Variants in RBM47 observed in about 807,000 individuals in gnomAD.
RBM47 encodes RNA-binding protein 47.
In RBM47, 21 loss-of-function variants were observed where a neutral mutation model predicts 47.1. The observed-to-expected ratio is 0.45, with a 90% CI of 0.32 to 0.64. The LOEUF (loss-of-function observed/expected upper bound fraction) is 0.64, where lower values mean the gene tolerates loss of function less well. Among genes scored for constraint, RBM47 ranks in the 30% least tolerant of loss-of-function variants. The pLI is 0.05. For missense variants in RBM47, 708 were observed against 870.9 expected, an observed-to-expected ratio of 0.81 and a Z score of 2.35; for synonymous variants, 375 against 361.7, an observed-to-expected ratio of 1.04 and a Z score of -0.42.
At chr4:40,519,883 T>C (rs980284056) in intron 2 of RBM47, among the ~76,000 whole-genome samples, 1 of 151,936 alleles carries the variant, frequency 6.6e-6, no homozygotes, top group Non-Finnish European at 1.5e-5. Context: ...TTGGCCAGGA[T>C]GGTCTCGATC....
intron 2 of RBM47, among the ~76,000 whole-genome samples, chr4:40,489,631 A>G (rs1414871490): frequency 2.0e-5 from 3 of 152,264 alleles, no homozygotes; most frequent in Non-Finnish European, 4.4e-5. Flanking sequence ...AAGAAGAAAT[A>G]GAATATCTGA....
At chr4:40,552,439 T>G (rs986307829) in intron 1 of RBM47, among the ~76,000 whole-genome samples, 1 of 151,918 alleles carries the variant, frequency 6.6e-6, no homozygotes, top group East Asian at 1.9e-4. Context: ...ATAAAGGATA[T>G]AAATAAAAAT....
intron 1 of RBM47, among the ~76,000 whole-genome samples, chr4:40,626,267 C>T (rs1737726767): frequency 6.6e-6 from 1 of 152,178 alleles, no homozygotes; most frequent in African/African-American, 2.4e-5. Flanking sequence ...TTAAACCACA[C>T]AGAAAGTAGA....
chr4:40,430,248 AC>A (rs1346820120), intron 6 of RBM47, among the ~76,000 whole-genome samples: 3 of 94,260 alleles, frequency 3.2e-5, no homozygotes, highest in African/African-American at 9.3e-5. Flanking sequence ...ACAAAAACAA[AC>A]AAAAAAAAAA....
At chr4:40,528,405 TA>T (rs769489642) in intron 2 of RBM47, among the ~76,000 whole-genome samples, 1 of 147,692 alleles carries the variant, frequency 6.8e-6, no homozygotes. Context: ...GAGGCTTTTT[TA>T]AAAAAAAAAC....
chr4:40,614,830 G>C (rs1336137737), intron 1 of RBM47, among the ~76,000 whole-genome samples: 1 of 151,782 alleles, frequency 6.6e-6, no homozygotes. Flanking sequence ...AAAGGACACT[G>C]TCACACACAC....
chr4:40,488,576 A>G lies in RBM47; in HGVS notation c.-154-21877T>C, dbSNP rs555405896. ...GTCTGAGAAAAGAGCTCATTTGGAA[A>G]TAACATCCTGAGCTTTGCAACCGCA... On this transcript the variant is annotated intron_variant, in intron 2 of 6. Coordinates refer to ENST00000295971, the MANE Select transcript of RBM47 (RefSeq NM_001098634.2). 1.3e-4 allele frequency among the ~76,000 whole-genome samples: 20 copies of G among 152,320 alleles called. No homozygotes were observed. The East Asian group carries it at 3.9e-3, about 29-fold the overall frequency.
intron 1 of RBM47, among the ~76,000 whole-genome samples, chr4:40,579,133 A>AG: frequency 6.8e-6 from 1 of 147,402 alleles, no homozygotes; most frequent in African/African-American, 2.5e-5. Context: ...TAAAAAAAAA[A>AG]AAAATGCAGC....
intron 1 of RBM47, among the ~76,000 whole-genome samples, chr4:40,567,524 A>G (rs1471526447): frequency 6.6e-6 from 1 of 152,080 alleles, no homozygotes; most frequent in Non-Finnish European, 1.5e-5. Flanking sequence ...ACACCAATTC[A>G]GTAACACGCA....
At position 40,625,883 on chromosome 4, in the gene RBM47, A is replaced by T. The variant is rs372733111; in HGVS notation, c.-240+3513T>A. Reference sequence around the variant, plus strand: ...ACCAAAAGATTGATATTTTCCTAAAACACAAAGGGTTTTCAGGGTTACACT... The same window carrying T: ...ACCAAAAGATTGATATTTTCCTAAATCACAAAGGGTTTTCAGGGTTACACT... On this transcript the variant is annotated intron_variant, in intron 1 of 6. Transcript: ENST00000295971. Among the ~76,000 whole-genome samples, 6 of 152,270 alleles carry T rather than the reference A, an allele frequency of 3.9e-5. No homozygotes were observed. In the East Asian group the frequency reaches 9.6e-4, roughly 24 times the overall value.
At chr4:40,556,542 T>TA (rs1484998272) in intron 1 of RBM47, among the ~76,000 whole-genome samples, 2 of 152,144 alleles carry the variant, frequency 1.3e-5, no homozygotes, top group Non-Finnish European at 2.9e-5. Flanking sequence ...CTATTACTTT[T>TA]AATGGCAAAA....
At chr4:40,590,218 T>C (rs1733999117) in intron 1 of RBM47, among the ~76,000 whole-genome samples, 1 of 152,040 alleles carries the variant, frequency 6.6e-6, no homozygotes, top group Admixed American at 6.5e-5. Flanking sequence ...ATTTTAAACA[T>C]TGTCAACTGA....
intron 2 of RBM47, among the ~76,000 whole-genome samples, chr4:40,477,984 T>A (rs924362970): frequency 6.7e-6 from 1 of 148,402 alleles, no homozygotes; most frequent in Non-Finnish European, 1.5e-5. Context: ...AGAAAAGTCA[T>A]GCCACATGAG....
chr4:40,583,938 T>A (rs9997526), intron 1 of RBM47, among the ~76,000 whole-genome samples: 59,136 of 149,644 alleles, frequency 0.4, 12,095 homozygotes, highest in African/African-American at 0.41. Flanking sequence ...TATTATAACA[T>A]GGAATTTGTT....
intron 6 of RBM47, among the ~76,000 whole-genome samples, chr4:40,430,197 AAAACAAAC>A (rs145107424): frequency 0.068 from 10,198 of 150,164 alleles, 745 homozygotes; most frequent in East Asian, 0.2. Flanking sequence ...ACCGTCGCAA[AAAACAAAC>A]AAACAAACAA....
chr4:40,580,669 C>T (rs1168287794), intron 1 of RBM47, among the ~76,000 whole-genome samples: 1 of 152,216 alleles, frequency 6.6e-6, no homozygotes, highest in Non-Finnish European at 1.5e-5. Context: ...TTTCCCATAT[C>T]ATTCAGTTAG....
chr4:40,617,034 G>A (rs60409363), intron 1 of RBM47, among the ~76,000 whole-genome samples: 2 of 151,398 alleles, frequency 1.3e-5, no homozygotes, highest in East Asian at 3.9e-4. Flanking sequence ...CGCCACTGCG[G>A]CCAGCTAATT....
chr4:40,440,461 A>G (rs1419685834), intron 3 of RBM47, among the ~76,000 whole-genome samples: 1 of 152,238 alleles, frequency 6.6e-6, no homozygotes, highest in African/African-American at 2.4e-5. Flanking sequence ...TTTAAAATTT[A>G]GGACTAGGAG....
intron 2 of RBM47, among the ~76,000 whole-genome samples, chr4:40,536,673 A>C (rs1039579017): frequency 2.0e-5 from 3 of 151,050 alleles, no homozygotes; most frequent in Non-Finnish European, 4.4e-5. Context: ...GTCATGGCTC[A>C]TATCCACCTC....
Sources: allele counts gnomAD v4.1 joint callset (sites outside exome capture counted in the v4.1 genomes callset), GRCh38; gene constraint gnomAD v4.1.1; transcripts MANE v1.5; gene names NCBI Gene and HGNC (gene_info 2026-07-23, HGNC 2026-07-21).